The following NRXN2 variants were observed in gnomAD, a reference collection of about 807,000 sequenced individuals.
NRXN2 encodes the protein neurexin 2.
In NRXN2, 29 loss-of-function variants were observed where a neutral mutation model predicts 128.8. The observed-to-expected ratio is 0.23, with a 90% CI of 0.17 to 0.31. NRXN2 has a LOEUF of 0.31. Ranked by LOEUF, NRXN2 falls within the 10% of genes least tolerant of loss-of-function variation. NRXN2 has a pLI of 1.00. For synonymous variants in NRXN2, 1,098 were observed against 1,075.2 expected (o/e 1.02, Z -0.41); for missense variants, 1,881 against 2,452.6 (o/e 0.77, Z 4.92).
At chr11:64,708,713 A>G (rs1274707418) in intron 2 of NRXN2, among the ~76,000 whole-genome samples, 1 of 152,272 alleles carries the variant, frequency 6.6e-6, no homozygotes, top group East Asian at 1.9e-4. Context: ...AGATTGAAAC[A>G]TCTTGCATAT....
intron 7 of NRXN2, among the ~76,000 whole-genome samples, chr11:64,674,983 G>A (rs1419236438): frequency 2.0e-5 from 3 of 152,214 alleles, no homozygotes; most frequent in Admixed American, 2.0e-4. Context: ...ACCAAATTGA[G>A]GCTAGATGGA....
intron 19 of NRXN2, 106 bp from the exon 20 acceptor site, chr11:64,626,658 C>T (rs2043103266): frequency 1.2e-6 from 1 of 842,504 alleles, no homozygotes; most frequent in African/African-American, 1.7e-5. Flanking sequence ...GCAGCAACAT[C>T]CACGGAAAGA....
chr11:64,702,295 AG>A, intron 2 of NRXN2, among the ~76,000 whole-genome samples: 1 of 152,216 alleles, frequency 6.6e-6, no homozygotes, highest in South Asian at 2.1e-4. Context: ...CCCGTCTGGG[AG>A]GTGTACCCAA....
At chr11:64,640,626 A>G (rs764391517) in intron 17 of NRXN2, among the ~76,000 whole-genome samples, 13 of 152,172 alleles carry the variant, frequency 8.5e-5, no homozygotes, top group Non-Finnish European at 1.8e-4. Flanking sequence ...AAGAGAAGGA[A>G]ACTGAAGAGT....
At chr11:64,619,066 G>A (rs961633690) in intron 22 of NRXN2, among the ~76,000 whole-genome samples, 5 of 152,078 alleles carry the variant, frequency 3.3e-5, no homozygotes. Context: ...TCTGGAGCTG[G>A]GAGGCCCCCA....
chr11:64,665,261 C>T (rs1394957288), intron 9 of NRXN2, among the ~76,000 whole-genome samples: 2 of 149,514 alleles, frequency 1.3e-5, no homozygotes, highest in Non-Finnish European at 3.0e-5. Context: ...AGCCTGGCGA[C>T]AGAGCAAGAC....
chr11:64,710,057 G>C (rs901036103), intron 2 of NRXN2, among the ~76,000 whole-genome samples: 1 of 151,836 alleles, frequency 6.6e-6, no homozygotes, highest in Non-Finnish European at 1.5e-5. Context: ...ACAAGTGCCC[G>C]CCACCATGCC....
chr11:64,653,830 C>G, intron 11 of NRXN2, 108 bp from the exon 12 acceptor site: 1 of 815,148 alleles, frequency 1.2e-6, no homozygotes, highest in East Asian at 2.7e-5. Flanking sequence ...GGCGGGGTTC[C>G]CCCCAGGGCC....
Position 64,608,090 on chromosome 11 carries a change from A to G in NRXN2, c.4253-8T>C, listed in dbSNP as rs563403861. The G allele has an allele frequency of 4.4e-6, 7 of 1,579,630 alleles. No homozygotes were observed. In the African/African-American group the frequency reaches 5.4e-5, roughly 12 times the overall value. On this transcript the variant is annotated splice_region_variant and splice_polypyrimidine_tract_variant and intron_variant, in intron 22 of 22. Coordinates refer to ENST00000265459, the MANE Select transcript of NRXN2 (RefSeq NM_015080.4). ...GCAATATTAACTCTCCTCCTAGAAC[A>G]AGAGAGAGAAGAGAAAAGAGAGGGC... is the stretch of plus-strand genomic sequence containing the variant.
intron 3 of NRXN2, among the ~76,000 whole-genome samples, chr11:64,693,144 G>A (rs1479845441): frequency 6.7e-6 from 1 of 149,896 alleles, no homozygotes; most frequent in Non-Finnish European, 1.5e-5. Flanking sequence ...GATTAGGGGC[G>A]TCAGAGAGGG....
At chr11:64,677,072 G>T in intron 6 of NRXN2, 35 bp from the exon 7 acceptor site, 3 of 1,269,680 alleles carry the variant, frequency 2.4e-6, no homozygotes, top group Non-Finnish European at 2.1e-6. Flanking sequence ...GGGAGGAGGG[G>T]GGTGTCAAAA....
chr11:64,623,259 G>T lies in NRXN2; in HGVS notation c.3848-181C>A. 1 of 1,112,674 alleles carries T rather than the reference G, an allele frequency of 9.0e-7. No individual in the cohort carries two copies. The highest frequency in any genetic ancestry group is 1.2e-6 in the Non-Finnish European group (1 of 804,794). The allele number at this position is 1,112,674 out of a possible 1,614,324, so 68.9% of individuals were successfully genotyped here. On this transcript the variant is annotated intron_variant, in intron 20 of 22. Transcript: ENST00000265459. The surrounding 1 kb of genome is among the most constrained non-coding windows in gnomAD (Gnocchi z 4.9). The stretch of plus-strand genomic sequence containing the variant: ...AAAGCCAAAGGGAAAGTCCTTGTCA[G>T]CCACAGCCCCTAGCCCAGCCAGGTG...
chr11:64,672,669 C>G (rs2050788710), intron 7 of NRXN2, among the ~76,000 whole-genome samples: 1 of 152,086 alleles, frequency 6.6e-6, no homozygotes, highest in Non-Finnish European at 1.5e-5. Context: ...GGGAAAGGTC[C>G]TGGCATCCCC....
At chr11:64,696,451 G>A (rs576399378) in intron 3 of NRXN2, among the ~76,000 whole-genome samples, 6 of 151,956 alleles carry the variant, frequency 3.9e-5, no homozygotes, top group Admixed American at 1.3e-4. Context: ...ATCCTCAGGC[G>A]TGCACACAGA....
chr11:64,622,945 G>C lies in NRXN2; in HGVS notation c.3981C>G (p.Ser1327Arg), dbSNP rs144957463. 6.2e-7 allele frequency: 1 copy of C among 1,613,064 alleles called. No individual in the cohort carries two copies. Among genetic ancestry groups the C allele is most frequent in the Non-Finnish European group, 8.5e-7 (1 of 1,179,686 alleles). Reference sequence around the variant, plus strand: ...GACCCTCAGTCCGCACATTGGGGTCGCTCTCGGCGGCCAGCGCCAGCACCT... The same window carrying C: ...GACCCTCAGTCCGCACATTGGGGTCCCTCTCGGCGGCCAGCGCCAGCACCT... ...GLKVLALAAE[S>R]DPNVRTEGHL... The change falls in exon 21 of 23, where the codon AGC (serine) becomes AGG (arginine). Residue 1327 changes from serine (S) to arginine (R), a missense_variant. Ser to Arg is a moderately radical substitution (Grantham distance 110). Coordinates refer to ENST00000265459, the MANE Select transcript of NRXN2 (RefSeq NM_015080.4). This position sits in a 1 kb window ranked among gnomAD's most constrained non-coding sequence, Gnocchi z 4.3.
At chr11:64,658,817 G>A (rs1176449916) in intron 11 of NRXN2, among the ~76,000 whole-genome samples, 1 of 152,176 alleles carries the variant, frequency 6.6e-6, no homozygotes, top group East Asian at 1.9e-4. Flanking sequence ...ACGAGGCCAG[G>A]AGATCAAGAC....
chr11:64,609,637 GTCC>G (rs1320031365), intron 22 of NRXN2, among the ~76,000 whole-genome samples: 1 of 152,192 alleles, frequency 6.6e-6, no homozygotes, highest in Non-Finnish European at 1.5e-5. Flanking sequence ...CAGCCTCCTG[GTCC>G]TCCTCTCAAA....
At chr11:64,610,699 TC>T (rs1371797602) in intron 22 of NRXN2, among the ~76,000 whole-genome samples, 1 of 152,116 alleles carries the variant, frequency 6.6e-6, no homozygotes, top group African/African-American at 2.4e-5. Context: ...AAATATGTCT[TC>T]CTGTACCCAC....
chr11:64,657,337 C>T (rs2048413905), intron 11 of NRXN2, among the ~76,000 whole-genome samples: 1 of 152,228 alleles, frequency 6.6e-6, no homozygotes, highest in Non-Finnish European at 1.5e-5. Flanking sequence ...GCTGCACTGA[C>T]AGCTGGGACC....
Sources: gnomAD v4.1 joint callset for allele counts (sites outside exome capture counted in the v4.1 genomes callset) on GRCh38, gnomAD v4.1.1 for gene constraint, Gnocchi (gnomAD v3.1) non-coding constraint, MANE v1.5 for transcripts, NCBI Gene and HGNC (gene_info 2026-07-23, HGNC 2026-07-21) for gene names.